JAKMIP3: variants seen among roughly 807,000 people sequenced by gnomAD.
JAKMIP3 encodes the protein janus kinase and microtubule-interacting protein 3.
In JAKMIP3, 58 loss-of-function variants were observed where a neutral mutation model predicts 118.5. The observed-to-expected ratio is 0.49, with a 90% confidence interval of 0.40 to 0.61. JAKMIP3 has a LOEUF of 0.61. Ranked by LOEUF, JAKMIP3 falls within the 20% of genes least tolerant of loss-of-function variation. The pLI is 0.00. For missense variants in JAKMIP3, 950 were observed against 1,109.0 expected (o/e 0.86, Z 2.04); for synonymous variants, 486 against 451.2 (o/e 1.08, Z -0.98).
At position 132,066,021 on chromosome 10, in the gene JAKMIP3, C is replaced by T. The variant is rs2038707110; in HGVS notation, c.-178C>T. Among the ~76,000 whole-genome samples, 1 of 152,144 alleles carries T rather than the reference C, an allele frequency of 6.6e-6. No homozygotes were observed. ...GCCGGGAAAGATTCTCACAGTCGAG[C>T]AGAGCGATGGGAGAGAGGAGCAGAC... is the stretch of plus-strand genomic sequence containing the variant. On this transcript the variant is annotated 5_prime_UTR_variant, in exon 1 of 24. Coordinates refer to ENST00000684848, the MANE Select transcript of JAKMIP3 (RefSeq NM_001323087.2).
chr10:132,077,128 C>T (rs900604709), intron 1 of JAKMIP3, among the ~76,000 whole-genome samples: 6 of 152,248 alleles, frequency 3.9e-5, no homozygotes, highest in African/African-American at 7.2e-5. Flanking sequence ...TCTGCCCACA[C>T]GGCTTCCTCT....
intron 12 of JAKMIP3, 79 bp downstream of exon 12, chr10:132,145,269 A>G (rs1418472744): frequency 1.7e-6 from 2 of 1,204,594 alleles, no homozygotes; most frequent in Admixed American, 4.1e-5. Flanking sequence ...GACAAGCTTC[A>G]GTGGTGCGAT....
At position 132,183,389 on chromosome 10, in the gene JAKMIP3, C is replaced by A. The variant is rs1277542027; in HGVS notation, c.*2136C>A. 6.6e-6 allele frequency: 1 copy of A among 152,208 alleles called. No individual in the cohort carries two copies. The highest frequency in any genetic ancestry group is 2.4e-5 in the African/African-American group (1 of 41,448). The allele number at this position is 152,208 out of a possible 1,614,324, so 9.4% of individuals were successfully genotyped here. On this transcript the variant is annotated 3_prime_UTR_variant, in exon 24 of 24. Transcript: ENST00000684848. ...AAAGATGTGCAGTGAAACTCACATT[C>A]CCAGATTCACATCCCTCATGTTTAT...
chr10:132,159,824 G>GCGT (rs1258947598), intron 19 of JAKMIP3, among the ~76,000 whole-genome samples: 2 of 75,566 alleles, frequency 2.6e-5, no homozygotes, highest in Admixed American at 1.3e-4. Context: ...GATGCTGGGG[G>GCGT]GCCTCTCCCT....
intron 19 of JAKMIP3, among the ~76,000 whole-genome samples, chr10:132,157,415 T>G (rs538922707): frequency 6.6e-6 from 1 of 152,288 alleles, no homozygotes; most frequent in African/African-American, 2.4e-5. Context: ...GTCCATGCAT[T>G]AGCTATCACC....
At chr10:132,091,337 T>A (rs1049255518) in intron 1 of JAKMIP3, among the ~76,000 whole-genome samples, 1 of 152,214 alleles carries the variant, frequency 6.6e-6, no homozygotes, top group Non-Finnish European at 1.5e-5. Context: ...GTATCCTTGT[T>A]AACTTTCTGT....
intron 1 of JAKMIP3, among the ~76,000 whole-genome samples, chr10:132,066,589 G>A (rs1345220666): frequency 6.6e-6 from 1 of 152,178 alleles, no homozygotes; most frequent in Non-Finnish European, 1.5e-5. Flanking sequence ...ATGGCTTGAG[G>A]CCTCACCACC....
chr10:132,078,031 C>T (rs140486645), intron 1 of JAKMIP3, among the ~76,000 whole-genome samples: 2,503 of 152,272 alleles, frequency 0.016, 70 homozygotes, highest in African/African-American at 0.057. Context: ...AGGCTGGTCT[C>T]GAACTCCTGG....
chr10:132,142,754 C>T (rs1236858878), intron 11 of JAKMIP3, among the ~76,000 whole-genome samples: 2 of 152,186 alleles, frequency 1.3e-5, no homozygotes, highest in Non-Finnish European at 2.9e-5. Context: ...GCACCTGGTA[C>T]CCCTCACAGC....
chr10:132,131,635 A>G (rs1016881079), intron 3 of JAKMIP3, among the ~76,000 whole-genome samples: 2 of 152,024 alleles, frequency 1.3e-5, no homozygotes, highest in African/African-American at 4.8e-5. Flanking sequence ...AGGAGAGGAC[A>G]CAGGGCGGCC....
chr10:132,159,898 G>GGA, intron 19 of JAKMIP3, among the ~76,000 whole-genome samples: 1 of 38,276 alleles, frequency 2.6e-5, no homozygotes, highest in Non-Finnish European at 5.2e-5. Flanking sequence ...GTGATGCTGG[G>GGA]GGGTCTCTTC....
chr10:132,145,230 TG>T (rs139018463), intron 12 of JAKMIP3, 40 bp downstream of exon 12: 108,736 of 1,498,740 alleles, frequency 0.073, 4,667 homozygotes, highest in Middle Eastern at 0.15. Flanking sequence ...GGGGCACACG[TG>T]GGTGGGAGGT....
At chr10:132,141,201 C>G (rs1226017793) in intron 10 of JAKMIP3, among the ~76,000 whole-genome samples, 5 of 152,212 alleles carry the variant, frequency 3.3e-5, no homozygotes, top group Admixed American at 1.3e-4. Flanking sequence ...GTGGCAGACC[C>G]TGGAGGGTGG....
At chr10:132,079,381 G>A (rs974571341) in intron 1 of JAKMIP3, among the ~76,000 whole-genome samples, 1 of 152,128 alleles carries the variant, frequency 6.6e-6, no homozygotes, top group African/African-American at 2.4e-5. Flanking sequence ...ACTTCTGGTT[G>A]TTAGCAGATT....
rs1554950996 is a variant in JAKMIP3, at chr10:132,149,554, T to TCCCCTGCCCCACCCCCTCTCCG, written c.1947+48_1947+49insTGCCCCACCCCCTCTCCGCCCC. On this transcript the variant is annotated intron_variant, in intron 15 of 23. Transcript: ENST00000684848. Reference sequence around the variant, plus strand: ...GCCCACTCCGCCCCCACCTCACCCATCCCCCGCCCCACCCCCTCTCCGCCC... The same window carrying TCCCCTGCCCCACCCCCTCTCCG: ...GCCCACTCCGCCCCCACCTCACCCATCCCCTGCCCCACCCCCTCTCCGCCCCCGCCCCACCCCCTCTCCGCCC... 1.0e-3 allele frequency: 557 copies of TCCCCTGCCCCACCCCCTCTCCG among 530,922 alleles called. 5 individuals are homozygous for TCCCCTGCCCCACCCCCTCTCCG. Among genetic ancestry groups the TCCCCTGCCCCACCCCCTCTCCG allele is most frequent in the Middle Eastern group, 1.8e-3 (3 of 1,694 alleles). The allele number at this position is 530,922 out of a possible 1,614,324, so 32.9% of individuals were successfully genotyped here.
upstream of JAKMIP3, among the ~76,000 whole-genome samples, chr10:132,065,300 G>A (rs1431590577): frequency 6.6e-6 from 1 of 152,084 alleles, no homozygotes; most frequent in East Asian, 1.9e-4. The surrounding 1 kb of genome is among the most constrained non-coding windows in gnomAD (Gnocchi z 5.6). Context: ...GTGAGCTCTC[G>A]TGCTTGCCCT....
In JAKMIP3 at chr10:132,180,620, T is replaced by TGCGC. The variant is rs1446423696; in HGVS notation, c.*1104-1736_*1104-1735insCGCG. Among the ~76,000 whole-genome samples the TGCGC allele has an allele frequency of 2.9e-4, 12 of 41,218 alleles. 1 individual carries two copies. Among genetic ancestry groups the TGCGC allele is most frequent in the African/African-American group, 1.4e-3 (10 of 7,332 alleles). 27.0% of individuals were successfully genotyped at this position (41,218 alleles called of 152,430 possible). On this transcript the variant is annotated intron_variant, in intron 23 of 23. Coordinates refer to ENST00000684848, the MANE Select transcript of JAKMIP3 (RefSeq NM_001323087.2). ...GTGCGTGCGCGTGTGTGTGTGCGTG[T>TGCGC]GTGTGCGTGTGTGCGTGCGTGTGTG...
chr10:132,091,963 C>T (rs945004294), intron 1 of JAKMIP3, among the ~76,000 whole-genome samples: 1 of 152,118 alleles, frequency 6.6e-6, no homozygotes, highest in Non-Finnish European at 1.5e-5. Context: ...GTAGGGCAGG[C>T]CTGGTGGTGA....
intron 1 of JAKMIP3, among the ~76,000 whole-genome samples, chr10:132,069,337 G>A (rs910630138): frequency 6.6e-6 from 1 of 152,118 alleles, no homozygotes; most frequent in Non-Finnish European, 1.5e-5. Flanking sequence ...CCAAGGACAC[G>A]TTTTCCCAGG....
Sources: allele counts gnomAD v4.1 joint callset (sites outside exome capture counted in the v4.1 genomes callset), GRCh38; gene constraint gnomAD v4.1.1; non-coding constraint Gnocchi (gnomAD v3.1); transcripts MANE v1.5; gene names NCBI Gene and HGNC (gene_info 2026-07-23, HGNC 2026-07-21).